The following SNX18 variants were observed in gnomAD, a reference collection of about 807,000 sequenced individuals.
The protein encoded by SNX18 is sorting nexin-18.
SNX18 carries 35 observed loss-of-function variants against 48.7 expected under a neutral mutation model. The ratio of observed to expected loss-of-function variants is 0.72; its 90% CI spans 0.55 to 0.95. The LOEUF (loss-of-function observed/expected upper bound fraction) is 0.95, where lower values mean the gene tolerates loss of function less well. Among genes scored for constraint, SNX18 ranks in the 40% least tolerant of loss-of-function variants. SNX18 has a pLI of 0.00. For missense variants in SNX18, 824 were observed against 871.0 expected (o/e 0.95, Z 0.68); for synonymous variants, 492 against 384.7 (o/e 1.28, Z -3.26).
the SNX18 span, among the ~76,000 whole-genome samples, chr5:54,621,139 A>G: frequency 0.038 from 5,734 of 152,124 alleles, 140 homozygotes; most frequent in East Asian, 0.09. Flanking sequence ...CATCACACTA[A>G]CCTCCTTTTT....
At chr5:54,605,745 G>A in the SNX18 span, among the ~76,000 whole-genome samples, 18 of 152,132 alleles carry the variant, frequency 1.2e-4, no homozygotes, top group African/African-American at 4.1e-4. Flanking sequence ...CTGAAGCCTC[G>A]AACTCCTGGG....
At chr5:54,553,458 A>G in the SNX18 span, among the ~76,000 whole-genome samples, 5 of 152,262 alleles carry the variant, frequency 3.3e-5, no homozygotes, top group East Asian at 9.7e-4. Context: ...CCTCCTCTGT[A>G]TTCTGTGCGT....
chr5:54,621,725 A>C, the SNX18 span, among the ~76,000 whole-genome samples: 1 of 152,062 alleles, frequency 6.6e-6, no homozygotes. Flanking sequence ...TTAAAGATAG[A>C]CCCCTCTGGC....
chr5:54,580,387 T>C, the SNX18 span, among the ~76,000 whole-genome samples: 1 of 152,248 alleles, frequency 6.6e-6, no homozygotes. Flanking sequence ...AATGAGGTTT[T>C]CTTTCTCTTG....
chr5:54,572,356 A>T, the SNX18 span, among the ~76,000 whole-genome samples: 11 of 152,146 alleles, frequency 7.2e-5, no homozygotes, highest in Non-Finnish European at 1.5e-4. Context: ...ATGAATAAAG[A>T]GCTGAGAGAG....
chr5:54,528,829 C>A (rs1762196150), intron 1 of SNX18, among the ~76,000 whole-genome samples: 1 of 152,142 alleles, frequency 6.6e-6, no homozygotes, highest in Non-Finnish European at 1.5e-5. Flanking sequence ...CGGGGAAGGG[C>A]AGTCTGGGCC....
the SNX18 span, among the ~76,000 whole-genome samples, chr5:54,597,619 A>G: frequency 6.6e-6 from 1 of 152,260 alleles, no homozygotes; most frequent in Admixed American, 6.5e-5. Flanking sequence ...TGGAACTTTA[A>G]CAGCCTGCTC....
chr5:54,573,167 T>C, the SNX18 span, among the ~76,000 whole-genome samples: 2 of 151,966 alleles, frequency 1.3e-5, no homozygotes, highest in Non-Finnish European at 2.9e-5. Flanking sequence ...ATTAAGAAAA[T>C]TAATCCTTTA....
intron 1 of SNX18, among the ~76,000 whole-genome samples, chr5:54,541,375 G>A (rs565650721): frequency 3.9e-5 from 6 of 152,110 alleles, no homozygotes; most frequent in African/African-American, 7.2e-5. Context: ...TGTGAAACCT[G>A]TACAAATATA....
At chr5:54,550,303 A>T (rs1762630738), downstream of SNX18, among the ~76,000 whole-genome samples, 1 of 152,162 alleles carries the variant, frequency 6.6e-6, no homozygotes, top group Non-Finnish European at 1.5e-5. Context: ...TTCTTCACAA[A>T]TGTTGCTTTT....
the SNX18 span, among the ~76,000 whole-genome samples, chr5:54,565,840 A>G: frequency 6.6e-6 from 1 of 152,140 alleles, no homozygotes; most frequent in Non-Finnish European, 1.5e-5. Context: ...TTTGTTTGAC[A>G]TTTTGCTCAT....
At chr5:54,643,519 G>A in the SNX18 span, 1 of 152,216 alleles carries the variant, frequency 6.6e-6, no homozygotes, top group South Asian at 2.1e-4. Flanking sequence ...ACGACTTTTG[G>A]TTAGTTTATA....
the SNX18 span, among the ~76,000 whole-genome samples, chr5:54,633,026 G>T: frequency 6.6e-6 from 1 of 152,024 alleles, no homozygotes; most frequent in Non-Finnish European, 1.5e-5. Context: ...GCCCGCCTTG[G>T]CCTCCCAAAG....
Position 54,517,848 on chromosome 5 carries a change from G to C in SNX18, c.-105G>C. The stretch of plus-strand genomic sequence containing the variant: ...GGGCAGCGTGGGTTTGCCGCCTTCG[G>C]GGCTCCAGTCCGCGCGCCAGGGCTC... On this transcript the variant is annotated 5_prime_UTR_variant, in exon 1 of 2. Transcript: ENST00000381410. The C allele has an allele frequency of 8.0e-7, 1 of 1,243,596 alleles. No homozygotes were observed. Among genetic ancestry groups the C allele is most frequent in the Middle Eastern group, 2.9e-4 (1 of 3,390 alleles). 77.0% of individuals were successfully genotyped at this position (1,243,596 alleles called of 1,614,324 possible). A position where few individuals can be genotyped will look rare whatever the true frequency, so the allele number is the denominator to read the frequency against.
the SNX18 span, among the ~76,000 whole-genome samples, chr5:54,630,667 C>G: frequency 6.6e-6 from 1 of 152,016 alleles, no homozygotes; most frequent in Non-Finnish European, 1.5e-5. Context: ...AACCCTGTCT[C>G]TAGTAAAACT....
At chr5:54,597,895 G>A in the SNX18 span, among the ~76,000 whole-genome samples, 1 of 151,382 alleles carries the variant, frequency 6.6e-6, no homozygotes, top group Non-Finnish European at 1.5e-5. Context: ...GATCAGAGCA[G>A]AACTGAAGGA....
At chr5:54,573,565 T>C in the SNX18 span, among the ~76,000 whole-genome samples, 1 of 152,160 alleles carries the variant, frequency 6.6e-6, no homozygotes, top group Non-Finnish European at 1.5e-5. Context: ...ACAAATACCA[T>C]GATTTGAGAA....
chr5:54,631,134 C>T, the SNX18 span, among the ~76,000 whole-genome samples: 1 of 152,212 alleles, frequency 6.6e-6, no homozygotes, highest in African/African-American at 2.4e-5. Context: ...AATACAGCCA[C>T]ATTTATATCA....
At chr5:54,599,611 C>T in the SNX18 span, among the ~76,000 whole-genome samples, 30 of 152,146 alleles carry the variant, frequency 2.0e-4, no homozygotes, top group Admixed American at 3.3e-4. Context: ...ATAGCCAAAA[C>T]AGCATGGTAC....
Sources: allele counts gnomAD v4.1 joint callset (sites outside exome capture counted in the v4.1 genomes callset), GRCh38; gene constraint gnomAD v4.1.1; transcripts MANE v1.5; gene names NCBI Gene and HGNC (gene_info 2026-07-23, HGNC 2026-07-21).